The following ERCC6L2 variants were observed in gnomAD, a reference collection of about 807,000 sequenced individuals.
ERCC6L2 encodes DNA excision repair protein ERCC-6-like 2.
In ERCC6L2, 77 loss-of-function variants were observed where a neutral mutation model predicts 132.0. That is an observed-to-expected ratio of 0.58 (90% CI 0.49 to 0.71). The LOEUF is 0.71. Among genes scored for constraint, ERCC6L2 ranks in the 30% least tolerant of loss-of-function variants. The pLI, the probability that ERCC6L2 is intolerant of heterozygous loss-of-function variation, is 0.00. For missense variants in ERCC6L2, 1,542 were observed against 1,837.6 expected, an observed-to-expected ratio of 0.84 and a Z score of 2.94; for synonymous variants, 583 against 632.4, an observed-to-expected ratio of 0.92 and a Z score of 1.17.
chr9:95,950,805 A>G (rs1324546668), intron 12 of ERCC6L2, among the ~76,000 whole-genome samples: 2 of 152,210 alleles, frequency 1.3e-5, no homozygotes, highest in African/African-American at 2.4e-5. Flanking sequence ...TAAATTCAAC[A>G]AACAATAGAG....
In ERCC6L2 at chr9:95,966,609, T is replaced by C; in HGVS notation, c.1995T>C (p.Phe665=). The C allele has an allele frequency of 6.5e-7, 1 of 1,534,156 alleles. No individual in the cohort carries two copies. The highest frequency in any genetic ancestry group is 8.9e-7 in the Non-Finnish European group (1 of 1,124,526). Residue 665 remains phenylalanine, a synonymous_variant, in exon 14 of 19, where the codon TTT becomes TTC. Coordinates refer to ENST00000653738, the MANE Select transcript of ERCC6L2 (RefSeq NM_020207.7). ...VVGSENAKRY[F]EAVQGSKEHQ... ...GAAGTGAAAATGCCAAACGATATTT[T>C]GAAGCAGTTCAAGGATCTAAAGAGC...
chr9:96,032,394 A>C (rs1564313270), intron 19 of ERCC6L2, among the ~76,000 whole-genome samples: 1 of 152,070 alleles, frequency 6.6e-6, no homozygotes, highest in African/African-American at 2.4e-5. Context: ...CTTGCGCCTC[A>C]CCGTCTGTGT....
At chr9:95,878,936 G>C (rs1827441822) in intron 1 of ERCC6L2, among the ~76,000 whole-genome samples, 1 of 152,068 alleles carries the variant, frequency 6.6e-6, no homozygotes, top group African/African-American at 2.4e-5. Flanking sequence ...TTCCAAGTCT[G>C]CTATTGTGAA....
intron 8 of ERCC6L2, 135 bp downstream of exon 8, chr9:95,922,553 T>A (rs1368044842): frequency 3.3e-6 from 2 of 604,126 alleles, no homozygotes; most frequent in South Asian, 2.1e-5. Context: ...TAAATGTAGA[T>A]ATCAAGGAGT....
chr9:96,023,751 A>C, intron 19 of ERCC6L2, among the ~76,000 whole-genome samples: 1 of 152,176 alleles, frequency 6.6e-6, no homozygotes, highest in Admixed American at 6.5e-5. Context: ...TAGAGACTTA[A>C]AGGTTTTCCT....
rs759828628 is a variant in ERCC6L2 at position 95,973,000 on chromosome 9, C to T, written c.3249C>T (p.Ser1083=). 4 of 1,357,136 alleles carry T rather than the reference C, an allele frequency of 2.9e-6. No homozygotes were observed. The highest frequency in any genetic ancestry group is 4.6e-5 in the East Asian group (1 of 21,704). The allele number at this position is 1,357,136 out of a possible 1,614,324, so 84.1% of individuals were successfully genotyped here. ...TGCCTAGCCATAATAAGAAAAATAG[C>T]ACTTTTATTCCAAGAAAACCAATGA... is the stretch of plus-strand genomic sequence containing the variant. ...SKLPSHNKKN[S]TFIPRKPMKC... Residue 1083 remains serine, a synonymous_variant, in exon 16 of 19, where the codon AGC becomes AGT. Coordinates refer to ENST00000653738, the MANE Select transcript of ERCC6L2 (RefSeq NM_020207.7).
chr9:95,909,248 A>C (rs1174501259), intron 4 of ERCC6L2, among the ~76,000 whole-genome samples: 1 of 152,132 alleles, frequency 6.6e-6, no homozygotes, highest in Non-Finnish European at 1.5e-5. Flanking sequence ...TCTCGGTTGC[A>C]TATTCTTCTT....
At chr9:95,917,372 A>G (rs1050883676) in intron 6 of ERCC6L2, among the ~76,000 whole-genome samples, 3 of 152,220 alleles carry the variant, frequency 2.0e-5, no homozygotes, top group African/African-American at 7.2e-5. Context: ...TCTGTAGATT[A>G]CTATGGAACT....
At chr9:95,987,318 A>C (rs1427997992) in intron 17 of ERCC6L2, among the ~76,000 whole-genome samples, 1 of 152,252 alleles carries the variant, frequency 6.6e-6, no homozygotes, top group African/African-American at 2.4e-5. Flanking sequence ...ATTTGAGACA[A>C]GGCAAGTCCT....
chr9:95,987,796 C>A (rs530445090), intron 17 of ERCC6L2, among the ~76,000 whole-genome samples: 1 of 152,356 alleles, frequency 6.6e-6, no homozygotes, highest in South Asian at 2.1e-4. Flanking sequence ...CATTTCCCTT[C>A]TGCACTGCCC....
chr9:95,963,118 A>C (rs1464925582), intron 13 of ERCC6L2, among the ~76,000 whole-genome samples: 2 of 151,634 alleles, frequency 1.3e-5, no homozygotes, highest in Non-Finnish European at 2.9e-5. Flanking sequence ...TAAACAATCT[A>C]AAGTTTGGCA....
intron 7 of ERCC6L2, among the ~76,000 whole-genome samples, chr9:95,921,977 C>CA (rs1436037790): frequency 6.6e-6 from 1 of 152,160 alleles, no homozygotes; most frequent in African/African-American, 2.4e-5. Flanking sequence ...AAGGGGTCTG[C>CA]ATAGCACTGC....
intron 14 of ERCC6L2, among the ~76,000 whole-genome samples, chr9:95,969,243 A>G (rs1391979472): frequency 6.6e-6 from 1 of 152,186 alleles, no homozygotes; most frequent in African/African-American, 2.4e-5. Context: ...GACAAAAAGC[A>G]ATTAGAGGGT....
At chr9:95,889,945 T>C (rs1327536184) in intron 2 of ERCC6L2, among the ~76,000 whole-genome samples, 20 of 152,236 alleles carry the variant, frequency 1.3e-4, no homozygotes, top group Non-Finnish European at 1.5e-5. Flanking sequence ...ATCCGTTCTC[T>C]TTCTTTTAAT....
rs1188294878 is a variant in ERCC6L2, at chr9:96,018,151, AGATG to A, written c.*4954_*4957del. 6.6e-6 allele frequency among the ~76,000 whole-genome samples: 1 copy of A among 152,216 alleles called. No individual in the cohort carries two copies. Among genetic ancestry groups the A allele is most frequent in the African/African-American group, 2.4e-5 (1 of 41,458 alleles). ...TTACACAGGATGCAAAGTGGCCTGA[AGATG>A]GATGGTCGTGATGGTTGCACAGCAA... is the stretch of plus-strand genomic sequence containing the variant. On this transcript the variant is annotated 3_prime_UTR_variant, in exon 19 of 19. Transcript: ENST00000653738.
chr9:95,958,637 G>A (rs10988804), intron 13 of ERCC6L2, among the ~76,000 whole-genome samples: 22,468 of 151,620 alleles, frequency 0.15, 1,756 homozygotes, highest in South Asian at 0.24. Context: ...TGAGTTTTTC[G>A]CTGCAAAAAT....
chr9:95,956,821 G>C (rs1831626858), intron 13 of ERCC6L2, among the ~76,000 whole-genome samples: 1 of 152,162 alleles, frequency 6.6e-6, no homozygotes, highest in Non-Finnish European at 1.5e-5. Context: ...TGTAATTCAA[G>C]ATAAAATTCG....
At chr9:95,931,225 CCT>C (rs750077409) in intron 11 of ERCC6L2, among the ~76,000 whole-genome samples, 7 of 152,084 alleles carry the variant, frequency 4.6e-5, no homozygotes, top group Admixed American at 1.3e-4. Flanking sequence ...GTCTTTTCCC[CCT>C]CTCAGTCTGT....
chr9:95,975,496 C>A (rs533018591), intron 16 of ERCC6L2, among the ~76,000 whole-genome samples: 1 of 144,414 alleles, frequency 6.9e-6, no homozygotes, highest in Admixed American at 7.0e-5. Flanking sequence ...TTTGCCTCTC[C>A]CTGGATGCCC....
Sources: gnomAD v4.1 joint callset for allele counts (sites outside exome capture counted in the v4.1 genomes callset) on GRCh38, gnomAD v4.1.1 for gene constraint, MANE v1.5 for transcripts, NCBI Gene and HGNC (gene_info 2026-07-23, HGNC 2026-07-21) for gene names.